Variants in CNTN5 observed in about 807,000 individuals in gnomAD.
CNTN5 encodes the protein contactin 5, also known as contactin-5.
In CNTN5, 77 loss-of-function variants were observed where a neutral mutation model predicts 129.1. That is an observed-to-expected ratio of 0.60 (90% CI 0.50 to 0.72). The LOEUF (loss-of-function observed/expected upper bound fraction) is 0.72. Among genes scored for constraint, CNTN5 ranks in the 30% least tolerant of loss-of-function variants. The probability of loss-of-function intolerance (pLI) is 0.00; values close to 1 mark genes in which losing one functional copy is unlikely to be tolerated. For synonymous variants in CNTN5, 509 were observed against 465.6 expected (o/e 1.09, Z -1.20); for missense variants, 1,478 against 1,328.8 (o/e 1.11, Z -1.75).
chr11:99,373,000 G>A (rs751475175), intron 2 of CNTN5, among the ~76,000 whole-genome samples: 9 of 152,144 alleles, frequency 5.9e-5, no homozygotes, highest in African/African-American at 2.2e-4. Context: ...CCTGAGGTCA[G>A]GAGTTTGAGC....
chr11:99,996,305 G>C (rs1939440382), intron 8 of CNTN5, among the ~76,000 whole-genome samples: 1 of 152,152 alleles, frequency 6.6e-6, no homozygotes, highest in African/African-American at 2.4e-5. Flanking sequence ...CTCTGCTCCA[G>C]TTTCACTATA....
At chr11:99,305,565 A>T (rs529722465) in intron 1 of CNTN5, among the ~76,000 whole-genome samples, 6 of 152,172 alleles carry the variant, frequency 3.9e-5, no homozygotes, top group Non-Finnish European at 7.3e-5. Flanking sequence ...CAAAAAAACA[A>T]TTTTTCTCTG....
At chr11:99,653,807 T>C (rs914439231) in intron 3 of CNTN5, among the ~76,000 whole-genome samples, 2 of 152,090 alleles carry the variant, frequency 1.3e-5, no homozygotes, top group African/African-American at 4.8e-5. Flanking sequence ...GAGAATTTAA[T>C]TGAGGATATT....
intron 1 of CNTN5, among the ~76,000 whole-genome samples, chr11:99,154,146 C>A (rs74862049): frequency 0.015 from 2,345 of 152,258 alleles, 41 homozygotes; most frequent in Non-Finnish European, 0.022. Flanking sequence ...AATTGTGACA[C>A]TGTAGTGGGG....
At chr11:99,880,415 C>T (rs1948741839) in intron 6 of CNTN5, among the ~76,000 whole-genome samples, 1 of 152,106 alleles carries the variant, frequency 6.6e-6, no homozygotes, top group South Asian at 2.1e-4. Context: ...AAGAGAATAA[C>T]TGTTTCTACT....
rs531784500 is a variant in CNTN5 at position 99,620,272 on chromosome 11, AAT to A, written c.55+64004_55+64005del. On this transcript the variant is annotated intron_variant, in intron 3 of 24. Coordinates refer to ENST00000524871, the MANE Select transcript of CNTN5 (RefSeq NM_014361.4). ...TTGTGTTCATTGTTATTTTATCCAT[AAT>A]GAGTTCCAGAACCTCTTTTTAATAT... is the stretch of plus-strand genomic sequence containing the variant. Among the ~76,000 whole-genome samples, 441 of 151,966 alleles carry A rather than the reference AAT, an allele frequency of 2.9e-3. 2 individuals are homozygous for A. Among genetic ancestry groups the A allele is most frequent in the African/African-American group, 9.9e-3 (410 of 41,528 alleles).
intron 15 of CNTN5, among the ~76,000 whole-genome samples, chr11:100,199,540 G>C (rs1948724751): frequency 6.6e-6 from 1 of 151,842 alleles, no homozygotes; most frequent in East Asian, 2.0e-4. Context: ...CCAAAACTTG[G>C]GGACCCTCAC....
chr11:99,827,469 A>G (rs1051350242), intron 4 of CNTN5, among the ~76,000 whole-genome samples: 1 of 152,200 alleles, frequency 6.6e-6, no homozygotes, highest in African/African-American at 2.4e-5. Context: ...TATAACAGCA[A>G]TAGCCTGAAT....
At chr11:99,467,342 C>G (rs1006565423) in intron 2 of CNTN5, among the ~76,000 whole-genome samples, 4 of 152,152 alleles carry the variant, frequency 2.6e-5, no homozygotes, top group South Asian at 4.1e-4. Flanking sequence ...ATATTTAGGA[C>G]TTTCATTCAT....
chr11:99,047,579 A>G (rs1371803800), intron 1 of CNTN5, among the ~76,000 whole-genome samples: 1 of 152,110 alleles, frequency 6.6e-6, no homozygotes, highest in Non-Finnish European at 1.5e-5. Context: ...ATCAGTTTCC[A>G]GCAATTAATC....
chr11:99,053,648 T>C (rs1258491806), intron 1 of CNTN5, among the ~76,000 whole-genome samples: 1 of 151,888 alleles, frequency 6.6e-6, no homozygotes, highest in African/African-American at 2.4e-5. Flanking sequence ...TAAGATGTAA[T>C]TGAACTTTGG....
chr11:99,549,416 G>A (rs1422922104), intron 2 of CNTN5, among the ~76,000 whole-genome samples: 3 of 152,036 alleles, frequency 2.0e-5, no homozygotes, highest in Non-Finnish European at 4.4e-5. Context: ...CCTAGGCTTT[G>A]GTTTTGGTCC....
chr11:100,138,202 A>G (rs1019959900), intron 13 of CNTN5, among the ~76,000 whole-genome samples: 1 of 151,914 alleles, frequency 6.6e-6, no homozygotes, highest in Non-Finnish European at 1.5e-5. Context: ...TAAAAATCCA[A>G]CTTGAAATGT....
intron 2 of CNTN5, among the ~76,000 whole-genome samples, chr11:99,470,912 G>A (rs1945146831): frequency 6.6e-6 from 1 of 152,074 alleles, no homozygotes; most frequent in South Asian, 2.1e-4. Flanking sequence ...TGTGAAGTAA[G>A]TAAAAAGTTA....
chr11:100,289,625 T>C (rs1348996506), intron 18 of CNTN5, among the ~76,000 whole-genome samples: 1 of 151,966 alleles, frequency 6.6e-6, no homozygotes, highest in Non-Finnish European at 1.5e-5. Flanking sequence ...TAATAAGAGC[T>C]ATCTATGACA....
chr11:99,874,378 G>T (rs915359624), intron 6 of CNTN5, among the ~76,000 whole-genome samples: 1 of 152,088 alleles, frequency 6.6e-6, no homozygotes, highest in African/African-American at 2.4e-5. Flanking sequence ...AGCTCAACAT[G>T]TTGCCAGAAT....
intron 3 of CNTN5, among the ~76,000 whole-genome samples, chr11:99,580,808 G>A: frequency 1.7e-5 from 2 of 120,554 alleles, no homozygotes; most frequent in South Asian, 3.5e-4. Context: ...TTTTTTCAAG[G>A]GTTTTTTTGT....
At chr11:99,277,932 A>T (rs1043900986) in intron 1 of CNTN5, among the ~76,000 whole-genome samples, 6 of 151,696 alleles carry the variant, frequency 4.0e-5, no homozygotes, top group Admixed American at 2.6e-4. Context: ...TAAATCTAAC[A>T]TTGATTTACA....
chr11:99,965,141 T>G (rs1951059918), intron 8 of CNTN5, among the ~76,000 whole-genome samples: 1 of 152,210 alleles, frequency 6.6e-6, no homozygotes, highest in African/African-American at 2.4e-5. Context: ...TTTGAACGGT[T>G]TTTTGTGTCT....
Sources: allele counts gnomAD v4.1 joint callset (sites outside exome capture counted in the v4.1 genomes callset), GRCh38; gene constraint gnomAD v4.1.1; transcripts MANE v1.5; gene names NCBI Gene and HGNC (gene_info 2026-07-23, HGNC 2026-07-21).